The following PLCB1 variants were observed in gnomAD, a reference collection of about 807,000 sequenced individuals.
The protein encoded by PLCB1 is phospholipase C beta 1, also known as 1-phosphatidylinositol 4,5-bisphosphate phosphodiesterase beta-1.
A neutral mutation model predicts 161.8 loss-of-function variants in PLCB1; 46 were observed. The observed-to-expected ratio is 0.28, with a 90% CI of 0.22 to 0.36. PLCB1 has a LOEUF of 0.36. Among genes scored for constraint, PLCB1 ranks in the 10% least tolerant of loss-of-function variants. The pLI, the probability that PLCB1 is intolerant of heterozygous loss-of-function variation, is 1.00. For missense variants in PLCB1, 1,016 were observed against 1,472.5 expected (o/e 0.69, Z 5.07); for synonymous variants, 517 against 503.7 (o/e 1.03, Z -0.35).
chr20:8,332,421 G>C (rs1354769424), intron 2 of PLCB1, among the ~76,000 whole-genome samples: 3 of 152,212 alleles, frequency 2.0e-5, no homozygotes, highest in Non-Finnish European at 4.4e-5. Flanking sequence ...ATATTAACCA[G>C]AAAATTCTGT....
Position 8,697,765 on chromosome 20 carries a change from A to T in PLCB1, c.1149A>T (p.Thr383=), listed in dbSNP as rs1600258498. The change falls in exon 11 of 32, where the codon ACA becomes ACT. Residue 383 remains threonine, a synonymous_variant. Transcript: ENST00000338037. ...EPVITHGFTM[T]TEISFKEVIE... ...TCATCACCCATGGCTTCACCATGACAACTGAAATATCTTTCAAGGTAGAGT... is the reference window on the plus strand; with the variant it reads ...TCATCACCCATGGCTTCACCATGACTACTGAAATATCTTTCAAGGTAGAGT... 1 of 1,614,190 alleles carries T rather than the reference A, an allele frequency of 6.2e-7. No individual in the cohort carries two copies. Among genetic ancestry groups the T allele is most frequent in the Non-Finnish European group, 8.5e-7 (1 of 1,180,018 alleles).
At chr20:8,833,524 A>C (rs1484664851) in intron 31 of PLCB1, among the ~76,000 whole-genome samples, 1 of 152,164 alleles carries the variant, frequency 6.6e-6, no homozygotes, top group African/African-American at 2.4e-5. Flanking sequence ...AGAGTGAGGC[A>C]GGGAGAGATT....
intron 3 of PLCB1, among the ~76,000 whole-genome samples, chr20:8,462,401 G>A (rs562179974): frequency 3.0e-4 from 46 of 152,220 alleles, no homozygotes; most frequent in African/African-American, 7.9e-4. Context: ...TAGGGGCATC[G>A]CCATTTAAGA....
At chr20:8,768,347 A>G (rs899853360) in intron 26 of PLCB1, among the ~76,000 whole-genome samples, 1 of 151,932 alleles carries the variant, frequency 6.6e-6, no homozygotes, top group Non-Finnish European at 1.5e-5. Flanking sequence ...CTCCATTATC[A>G]CATGAATTCT....
intron 3 of PLCB1, among the ~76,000 whole-genome samples, chr20:8,562,825 C>T (rs753978121): frequency 1.4e-4 from 22 of 151,988 alleles, no homozygotes; most frequent in Admixed American, 5.9e-4. Context: ...CAAATTACTA[C>T]CTTTGGTGAT....
chr20:8,511,138 AGC>A (rs1191786783), intron 3 of PLCB1, among the ~76,000 whole-genome samples: 1 of 151,950 alleles, frequency 6.6e-6, no homozygotes, highest in African/African-American at 2.4e-5. Flanking sequence ...TCTCTGTCTC[AGC>A]CTCTGGTAAC....
At chr20:8,341,790 A>T (rs910185710) in intron 2 of PLCB1, among the ~76,000 whole-genome samples, 1 of 152,218 alleles carries the variant, frequency 6.6e-6, no homozygotes, top group Non-Finnish European at 1.5e-5. Context: ...ATGACCTGCT[A>T]TGTGCTAATT....
chr20:8,861,946 C>A (rs1052628057), intron 31 of PLCB1, among the ~76,000 whole-genome samples: 1 of 152,080 alleles, frequency 6.6e-6, no homozygotes, highest in African/African-American at 2.4e-5. Context: ...ACATTGAAAA[C>A]ATACATTGGG....
At chr20:8,135,996 A>G (rs540646176) in intron 1 of PLCB1, among the ~76,000 whole-genome samples, 1 of 152,254 alleles carries the variant, frequency 6.6e-6, no homozygotes, top group East Asian at 1.9e-4. Flanking sequence ...ATGGAGAGAA[A>G]GAGCAAGGAC....
chr20:8,449,762 T>A (rs974973122), intron 3 of PLCB1, among the ~76,000 whole-genome samples: 3 of 152,204 alleles, frequency 2.0e-5, no homozygotes, highest in African/African-American at 7.2e-5. Context: ...CATTTCTGCA[T>A]CCTAGGATCA....
At chr20:8,725,131 A>G in intron 16 of PLCB1, among the ~76,000 whole-genome samples, 1 of 152,126 alleles carries the variant, frequency 6.6e-6, no homozygotes, top group East Asian at 1.9e-4. Context: ...TAAACTATCT[A>G]CCTGTTTCCC....
chr20:8,384,194 A>G (rs1987351860), intron 3 of PLCB1, among the ~76,000 whole-genome samples: 2 of 151,850 alleles, frequency 1.3e-5, no homozygotes, highest in African/African-American at 4.8e-5. Context: ...ACATAGTCCC[A>G]TATCTCTTGG....
chr20:8,567,983 T>C (rs188626528), intron 3 of PLCB1, among the ~76,000 whole-genome samples: 76 of 152,302 alleles, frequency 5.0e-4, no homozygotes, highest in African/African-American at 1.7e-3. Context: ...AAGTCAGAAG[T>C]TCTAAAATGC....
chr20:8,534,828 T>A (rs1348427376), intron 3 of PLCB1, among the ~76,000 whole-genome samples: 1 of 152,132 alleles, frequency 6.6e-6, no homozygotes, highest in Non-Finnish European at 1.5e-5. Flanking sequence ...TTGACAGGTG[T>A]AGACACAGGC....
chr20:8,424,385 G>A (rs1054374905), intron 3 of PLCB1, among the ~76,000 whole-genome samples: 2 of 152,200 alleles, frequency 1.3e-5, no homozygotes, highest in African/African-American at 4.8e-5. Flanking sequence ...CTATAAGCAT[G>A]TATTATTTTG....
intron 3 of PLCB1, among the ~76,000 whole-genome samples, chr20:8,544,215 T>G (rs1985447608): frequency 6.6e-6 from 1 of 152,088 alleles, no homozygotes; most frequent in South Asian, 2.1e-4. Flanking sequence ...GAACAGCTGT[T>G]GCAAAGAGTA....
intron 18 of PLCB1, among the ~76,000 whole-genome samples, chr20:8,732,819 A>C (rs1980339681): frequency 7.0e-6 from 1 of 143,006 alleles, no homozygotes; most frequent in Non-Finnish European, 1.5e-5. Flanking sequence ...GATATTAGAT[A>C]TTTTGTATAT....
chr20:8,183,657 CA>C (rs1167105534), intron 2 of PLCB1, among the ~76,000 whole-genome samples: 2 of 152,146 alleles, frequency 1.3e-5, no homozygotes, highest in Non-Finnish European at 2.9e-5. Context: ...TAAACCCAAA[CA>C]AGTTTTGATT....
At chr20:8,680,159 T>C (rs1326569008) in intron 9 of PLCB1, among the ~76,000 whole-genome samples, 2 of 152,204 alleles carry the variant, frequency 1.3e-5, no homozygotes, top group Admixed American at 6.5e-5. Flanking sequence ...TCTATGTGCC[T>C]CAGTGGACCA....
Sources: allele counts gnomAD v4.1 joint callset (sites outside exome capture counted in the v4.1 genomes callset), GRCh38; gene constraint gnomAD v4.1.1; transcripts MANE v1.5; gene names NCBI Gene and HGNC (gene_info 2026-07-23, HGNC 2026-07-21).